Variants in SND1 observed in about 807,000 individuals in gnomAD.
SND1 encodes the protein staphylococcal nuclease and tudor domain containing 1.
A neutral mutation model predicts 121.7 loss-of-function variants in SND1; 38 were observed. The ratio of observed to expected loss-of-function variants is 0.31; its 90% CI spans 0.24 to 0.41. The LOEUF is 0.41. Ranked by LOEUF, SND1 falls within the 10% of genes least tolerant of loss-of-function variation. The pLI, the probability that SND1 is intolerant of heterozygous loss-of-function variation, is 1.00. For missense variants in SND1, 868 were observed against 1,184.6 expected (o/e 0.73, Z 3.92); for synonymous variants, 401 against 447.4 (o/e 0.90, Z 1.31).
At chr7:128,056,165 A>C (rs1394210157) in intron 16 of SND1, among the ~76,000 whole-genome samples, 2 of 152,228 alleles carry the variant, frequency 1.3e-5, no homozygotes, top group African/African-American at 4.8e-5. Context: ...ATAAGTGTTA[A>C]TTCTCTTCCT....
At chr7:128,080,436 G>A (rs1793578663) in intron 17 of SND1, among the ~76,000 whole-genome samples, 1 of 152,270 alleles carries the variant, frequency 6.6e-6, no homozygotes, top group Non-Finnish European at 1.5e-5. Context: ...GCTGAGGTCA[G>A]AGCAACCTGC....
intron 4 of SND1, among the ~76,000 whole-genome samples, chr7:127,699,952 C>T (rs148269303): frequency 1.1e-3 from 160 of 152,278 alleles, no homozygotes; most frequent in Non-Finnish European, 1.9e-3. Context: ...TTGTGTGGTC[C>T]TTTCTGACTG....
intron 3 of SND1, among the ~76,000 whole-genome samples, chr7:127,697,238 C>G: frequency 6.6e-6 from 1 of 152,320 alleles, no homozygotes; most frequent in African/African-American, 2.4e-5. Flanking sequence ...GAATAAGATC[C>G]TTGGCCTACA....
intron 15 of SND1, among the ~76,000 whole-genome samples, chr7:127,961,828 A>C (rs894917594): frequency 3.0e-4 from 46 of 152,152 alleles, no homozygotes; most frequent in African/African-American, 1.1e-3. Context: ...TGGAAGAAAA[A>C]GGGTATATTT....
At chr7:128,048,382 T>G (rs1296988318) in intron 16 of SND1, among the ~76,000 whole-genome samples, 1 of 152,180 alleles carries the variant, frequency 6.6e-6, no homozygotes, top group East Asian at 1.9e-4. Context: ...GTTTACACAT[T>G]GAGTGTGCCT....
intron 9 of SND1, 82 bp from the exon 10 acceptor site, chr7:127,721,205 C>A: frequency 2.4e-6 from 2 of 823,694 alleles, no homozygotes; most frequent in Non-Finnish European, 4.2e-6. Flanking sequence ...CACTTTCTAC[C>A]TGTGAGGGTG....
At chr7:127,803,371 T>A (rs1056046628) in intron 10 of SND1, among the ~76,000 whole-genome samples, 1 of 152,238 alleles carries the variant, frequency 6.6e-6, no homozygotes, top group Non-Finnish European at 1.5e-5. Context: ...TCTTTGACTT[T>A]TCACTTCATT....
intron 12 of SND1, among the ~76,000 whole-genome samples, chr7:127,853,261 C>T (rs1017676870): frequency 2.6e-5 from 4 of 152,156 alleles, no homozygotes; most frequent in Admixed American, 1.3e-4. Flanking sequence ...GTCTCAAATG[C>T]TGTGGCCACA....
In SND1 at chr7:127,652,294, C is replaced by G. The variant is rs1462407508; in HGVS notation, c.-80C>G. 4.9e-6 allele frequency: 6 copies of G among 1,231,504 alleles called. No individual in the cohort carries two copies. Among genetic ancestry groups the G allele is most frequent in the East Asian group, 2.5e-5 (1 of 39,570 alleles). 76.3% of individuals were successfully genotyped at this position (1,231,504 alleles called of 1,614,324 possible). A position where few individuals can be genotyped will look rare whatever the true frequency, so the allele number is the denominator to read the frequency against. ...AGCCAGCCTGCCCCTCGCCTCGACTCCCTTTCACCAACACCGACACCCACA... is the reference window on the plus strand; with the variant it reads ...AGCCAGCCTGCCCCTCGCCTCGACTGCCTTTCACCAACACCGACACCCACA... On this transcript the variant is annotated 5_prime_UTR_variant, in exon 1 of 24. Coordinates refer to ENST00000354725, the MANE Select transcript of SND1 (RefSeq NM_014390.4).
At chr7:127,853,687 A>G (rs1225608026) in intron 12 of SND1, among the ~76,000 whole-genome samples, 1 of 152,202 alleles carries the variant, frequency 6.6e-6, no homozygotes, top group Non-Finnish European at 1.5e-5. Context: ...TCAAAGTTCC[A>G]TAGGGTTTAC....
intron 11 of SND1, among the ~76,000 whole-genome samples, chr7:127,831,514 CAG>C (rs1482039328): frequency 1.3e-5 from 2 of 152,202 alleles, no homozygotes; most frequent in African/African-American, 4.8e-5. Flanking sequence ...AGTTCATTTG[CAG>C]AGAGTGATGC....
chr7:127,996,025 T>C (rs939727608), intron 16 of SND1, among the ~76,000 whole-genome samples: 1 of 152,100 alleles, frequency 6.6e-6, no homozygotes, highest in African/African-American at 2.4e-5. Flanking sequence ...CCTTGACCTA[T>C]TTCCCTTCTC....
chr7:127,768,890 C>CAAA (rs1797466002), intron 10 of SND1, among the ~76,000 whole-genome samples: 1 of 152,176 alleles, frequency 6.6e-6, no homozygotes, highest in Non-Finnish European at 1.5e-5. Flanking sequence ...AGTCCTTTCT[C>CAAA]TTTTAAGTAC....
chr7:128,066,914 T>C (rs1303703689), intron 16 of SND1, among the ~76,000 whole-genome samples: 1 of 151,714 alleles, frequency 6.6e-6, no homozygotes, highest in Non-Finnish European at 1.5e-5. Flanking sequence ...CCAGGATGAG[T>C]GGGTTGGGAA....
At chr7:127,800,034 T>C (rs1798099241) in intron 10 of SND1, among the ~76,000 whole-genome samples, 1 of 152,234 alleles carries the variant, frequency 6.6e-6, no homozygotes, top group Non-Finnish European at 1.5e-5. Flanking sequence ...TTAAGGACCA[T>C]AAAACAGTGG....
Position 128,029,201 on chromosome 7 carries a change from G to A in SND1, c.1779+38145G>A. 6.2e-7 allele frequency: 1 copy of A among 1,614,126 alleles called. No homozygotes were observed. The highest frequency in any genetic ancestry group is 8.5e-7 in the Non-Finnish European group (1 of 1,180,044). On this transcript the variant is annotated intron_variant, in intron 16 of 23. Coordinates refer to ENST00000354725, the MANE Select transcript of SND1 (RefSeq NM_014390.4). This position sits in a 1 kb window ranked among gnomAD's most constrained non-coding sequence, Gnocchi z 4.2. ...TGGTATATGCCGGCTGGTAACCAGT[G>A]GACGTGGTAGGAACAGGCTTGTACT...
At chr7:127,708,746 T>C (rs1796249289) in intron 9 of SND1, among the ~76,000 whole-genome samples, 1 of 152,250 alleles carries the variant, frequency 6.6e-6, no homozygotes, top group Non-Finnish European at 1.5e-5. Context: ...AGACCTGCTC[T>C]CTGTGTCTTC....
chr7:127,739,458 C>T (rs2116430350), intron 10 of SND1, among the ~76,000 whole-genome samples: 1 of 152,218 alleles, frequency 6.6e-6, no homozygotes, highest in East Asian at 1.9e-4. Flanking sequence ...CCCAGACAAC[C>T]ATCATGATTT....
chr7:127,767,820 T>C (rs1292619839), intron 10 of SND1, among the ~76,000 whole-genome samples: 1 of 152,214 alleles, frequency 6.6e-6, no homozygotes, highest in African/African-American at 2.4e-5. Context: ...TATAGATACA[T>C]CTTACCTCTG....
Sources: gnomAD v4.1 joint callset for allele counts (sites outside exome capture counted in the v4.1 genomes callset) on GRCh38, gnomAD v4.1.1 for gene constraint, Gnocchi (gnomAD v3.1) non-coding constraint, MANE v1.5 for transcripts, NCBI Gene and HGNC (gene_info 2026-07-23, HGNC 2026-07-21) for gene names.